Variants in CTNND2 observed in about 807,000 individuals in gnomAD.
The protein encoded by CTNND2 is catenin delta-2.
Under a neutral mutation model 144.4 loss-of-function variants are expected in CTNND2, and 22 were observed. The ratio of observed to expected loss-of-function variants is 0.15; its 90% confidence interval spans 0.11 to 0.22. The LOEUF (loss-of-function observed/expected upper bound fraction) is 0.22. CTNND2 is among the 10% of genes least tolerant of loss of function. The probability of loss-of-function intolerance (pLI) is 1.00; values close to 1 mark genes in which losing one functional copy is unlikely to be tolerated. For synonymous variants in CTNND2, 751 were observed against 695.6 expected (o/e 1.08, Z -1.25); for missense variants, 1,353 against 1,618.8 (o/e 0.84, Z 2.82).
chr5:11,264,353 T>C (rs944445173), intron 9 of CTNND2, among the ~76,000 whole-genome samples: 3 of 152,230 alleles, frequency 2.0e-5, no homozygotes, highest in African/African-American at 7.2e-5. Flanking sequence ...GGCATGGCTA[T>C]GTTCCAATAA....
intron 2 of CTNND2, among the ~76,000 whole-genome samples, chr5:11,626,960 G>A (rs995088630): frequency 1.3e-5 from 2 of 152,108 alleles, no homozygotes; most frequent in Non-Finnish European, 2.9e-5. Context: ...TGCTAAAAGT[G>A]AGAGCCTTAT....
intron 2 of CTNND2, among the ~76,000 whole-genome samples, chr5:11,654,205 A>G (rs1782796685): frequency 6.6e-6 from 1 of 152,090 alleles, no homozygotes; most frequent in Admixed American, 6.5e-5. Context: ...CTTTTGCTCA[A>G]GATTGCTTTG....
intron 16 of CTNND2, among the ~76,000 whole-genome samples, chr5:11,048,578 T>C (rs983213675): frequency 2.0e-5 from 3 of 152,160 alleles, no homozygotes; most frequent in African/African-American, 7.2e-5. Flanking sequence ...ACTTAAACAG[T>C]TGAGCCATGT....
At chr5:11,433,141 G>T (rs1361056565) in intron 3 of CTNND2, among the ~76,000 whole-genome samples, 1 of 152,200 alleles carries the variant, frequency 6.6e-6, no homozygotes, top group African/African-American at 2.4e-5. Flanking sequence ...AGCTACTTGG[G>T]AGGCTGAGGC....
chr5:11,377,197 C>T (rs1034582448), intron 7 of CTNND2, among the ~76,000 whole-genome samples: 70 of 151,776 alleles, frequency 4.6e-4, no homozygotes, highest in Non-Finnish European at 7.9e-4. Context: ...ATTACAGGCA[C>T]GCGCCGCCAC....
chr5:11,624,593 C>G (rs529864395), intron 2 of CTNND2, among the ~76,000 whole-genome samples: 2 of 151,952 alleles, frequency 1.3e-5, no homozygotes, highest in East Asian at 3.9e-4. Flanking sequence ...ATTTCAAGTA[C>G]AAAATTAAAA....
intron 10 of CTNND2, among the ~76,000 whole-genome samples, chr5:11,218,437 A>T (rs747430753): frequency 6.6e-5 from 10 of 152,160 alleles, no homozygotes; most frequent in Non-Finnish European, 1.5e-4. Context: ...GTAAGTCTGG[A>T]TCCCTACATA....
chr5:11,199,336 C>G, intron 11 of CTNND2, 112 bp downstream of exon 11: 1 of 927,118 alleles, frequency 1.1e-6, no homozygotes, highest in Non-Finnish European at 1.7e-6. Flanking sequence ...ATTGAGACCG[C>G]CTATGTTATT....
chr5:11,112,512 C>A (rs561967163), intron 13 of CTNND2, among the ~76,000 whole-genome samples: 1 of 152,336 alleles, frequency 6.6e-6, no homozygotes, highest in African/African-American at 2.4e-5. Context: ...GTGAGACCCA[C>A]TTCAGACTGC....
intron 3 of CTNND2, among the ~76,000 whole-genome samples, chr5:11,536,552 G>T (rs965079052): frequency 2.6e-5 from 4 of 152,170 alleles, no homozygotes; most frequent in Non-Finnish European, 5.9e-5. Context: ...GCCATAAAAA[G>T]GAACAAGATA....
chr5:11,494,896 A>G lies in CTNND2; in HGVS notation c.287+70048T>C, dbSNP rs374240402. On this transcript the variant is annotated intron_variant, in intron 3 of 21. Transcript: ENST00000304623. ...AAGATCACTTATACTTTCTGTTCTCAGTATTCCATTCAGACTCAAATCTTT... is the reference window on the plus strand; with the variant it reads ...AAGATCACTTATACTTTCTGTTCTCGGTATTCCATTCAGACTCAAATCTTT... Among the ~76,000 whole-genome samples, 104 of 152,336 alleles carry G rather than the reference A, an allele frequency of 6.8e-4. 2 individuals are homozygous for G. In the South Asian group the frequency reaches 0.013, roughly 20 times the overall value.
At chr5:11,423,282 A>T (rs575023618) in intron 3 of CTNND2, among the ~76,000 whole-genome samples, 30 of 152,330 alleles carry the variant, frequency 2.0e-4, no homozygotes, top group Admixed American at 2.0e-3. Flanking sequence ...TGACATTATA[A>T]CTCACAGTCA....
intron 12 of CTNND2, among the ~76,000 whole-genome samples, chr5:11,139,834 T>C (rs2149732566): frequency 6.6e-6 from 1 of 152,330 alleles, no homozygotes; most frequent in South Asian, 2.1e-4. Context: ...GAAATCAAGG[T>C]GTTGGCTGTG....
chr5:11,762,973 A>G (rs1789360524), intron 1 of CTNND2, among the ~76,000 whole-genome samples: 1 of 152,190 alleles, frequency 6.6e-6, no homozygotes, highest in Non-Finnish European at 1.5e-5. Flanking sequence ...GTTGAATTGT[A>G]ATCTCCAGTG....
At chr5:11,198,734 G>C (rs918889189) in intron 11 of CTNND2, among the ~76,000 whole-genome samples, 6 of 152,212 alleles carry the variant, frequency 3.9e-5, no homozygotes, top group Non-Finnish European at 8.8e-5. Flanking sequence ...TTGAAATGCT[G>C]TATTGAGGCC....
At chr5:11,583,111 C>T (rs958821982) in intron 2 of CTNND2, among the ~76,000 whole-genome samples, 1 of 152,224 alleles carries the variant, frequency 6.6e-6, no homozygotes, top group African/African-American at 2.4e-5. Flanking sequence ...CAGGGATAGA[C>T]TCACTTGCCC....
intron 7 of CTNND2, among the ~76,000 whole-genome samples, chr5:11,382,155 TCTTCCTAATTAGAGC>T (rs1758553276): frequency 6.6e-6 from 1 of 152,176 alleles, no homozygotes; most frequent in Admixed American, 6.5e-5. Flanking sequence ...TTAAAAAGTC[TCTTCCTAATTAGAGC>T]CTTCCCTGGC....
chr5:11,396,164 G>C (rs765946148), intron 6 of CTNND2, among the ~76,000 whole-genome samples: 1 of 152,146 alleles, frequency 6.6e-6, no homozygotes, highest in Non-Finnish European at 1.5e-5. Context: ...GTGGTGTGGG[G>C]CTTGCAGTTC....
chr5:11,584,876 C>G (rs1364254153), intron 2 of CTNND2, among the ~76,000 whole-genome samples: 1 of 152,022 alleles, frequency 6.6e-6, no homozygotes, highest in East Asian at 1.9e-4. Flanking sequence ...AAAATCCAGG[C>G]CACTGCATCA....
Sources: gnomAD v4.1 joint callset for allele counts (sites outside exome capture counted in the v4.1 genomes callset) on GRCh38, gnomAD v4.1.1 for gene constraint, MANE v1.5 for transcripts, NCBI Gene and HGNC (gene_info 2026-07-23, HGNC 2026-07-21) for gene names.